COL22A1: variants seen among roughly 807,000 people sequenced by gnomAD.
The protein encoded by COL22A1 is collagen alpha-1(XXII) chain.
COL22A1 carries 221 observed loss-of-function variants against 248.9 expected under a neutral mutation model. The observed-to-expected ratio is 0.89, with a 90% CI of 0.80 to 0.99. The LOEUF is 0.99. COL22A1 is among the 50% of genes least tolerant of loss of function. The pLI is 0.00. For synonymous variants in COL22A1, 891 were observed against 793.4 expected (o/e 1.12, Z -2.07); for missense variants, 2,240 against 2,179.0 (o/e 1.03, Z -0.56).
In COL22A1 at chr8:138,833,098, C is replaced by A; in HGVS notation, c.786G>T (p.Glu262Asp). ...GTACATAGGAACTCTGAGCTCCATTCTCTCTCTTCCCCAAGATTTCCTTCA... is the reference window on the plus strand; with the variant it reads ...GTACATAGGAACTCTGAGCTCCATTATCTCTCTTCCCCAAGATTTCCTTCA... ...FSVKEILGKR[E>D]NGAQSSYVRM... Residue 262 changes from glutamate (E) to aspartate (D), a missense_variant, in exon 5 of 65, where the codon GAG becomes GAT. Glu to Asp is a conservative substitution (Grantham distance 45, BLOSUM62 2). Coordinates refer to ENST00000303045, the MANE Select transcript of COL22A1 (RefSeq NM_152888.3). The A allele has an allele frequency of 1.2e-6, 2 of 1,613,964 alleles. No individual in the cohort carries two copies. Among genetic ancestry groups the A allele is most frequent in the African/African-American group, 1.3e-5 (1 of 75,064 alleles).
At chr8:138,603,919 T>C (rs1025588241) in intron 59 of COL22A1, among the ~76,000 whole-genome samples, 3 of 152,168 alleles carry the variant, frequency 2.0e-5, no homozygotes, top group Non-Finnish European at 4.4e-5. Flanking sequence ...TTCTCTGCAT[T>C]CAGTCATTCT....
At position 138,883,077 on chromosome 8, in the gene COL22A1, C is replaced by T. The variant is rs1274353115; in HGVS notation, c.91+5G>A. On this transcript the variant is annotated splice_donor_5th_base_variant and intron_variant, in intron 2 of 64. Coordinates refer to ENST00000303045, the MANE Select transcript of COL22A1 (RefSeq NM_152888.3). Reference sequence around the variant, plus strand: ...ACAGCATGGCACAGCCCACGGTGGCCCCACCTGCCCGCTGAGCCTGGCAGC... The same window carrying T: ...ACAGCATGGCACAGCCCACGGTGGCTCCACCTGCCCGCTGAGCCTGGCAGC... 1 of 1,574,920 alleles carries T rather than the reference C, an allele frequency of 6.3e-7. No individual in the cohort carries two copies.
chr8:138,662,079 G>GA lies in COL22A1; in HGVS notation c.3190dup (p.Ser1064PhefsTer48). Reference sequence around the variant, plus strand: ...GCCAGGGAATCCAGGTAAGCCTCGTGATCCCTGAAGAAAAAGAAAAGAAGA... The same window carrying GA: ...GCCAGGGAATCCAGGTAAGCCTCGTGAATCCCTGAAGAAAAAGAAAAGAAGA... On this transcript the variant is annotated frameshift_variant, in exon 43 of 65. Coordinates refer to ENST00000303045, the MANE Select transcript of COL22A1 (RefSeq NM_152888.3). LOFTEE classifies it high-confidence loss of function. 6.2e-7 allele frequency: 1 copy of GA among 1,611,932 alleles called. No homozygotes were observed. Among genetic ancestry groups the GA allele is most frequent in the Non-Finnish European group, 8.5e-7 (1 of 1,178,954 alleles).
intron 23 of COL22A1, among the ~76,000 whole-genome samples, chr8:138,725,824 T>G (rs1414283791): frequency 2.0e-5 from 3 of 151,148 alleles, no homozygotes; most frequent in African/African-American, 4.9e-5. Flanking sequence ...CATAAAGGCC[T>G]TCCAGAAGAG....
rs568135413 is a variant in COL22A1, at chr8:138,708,580, C to T, written c.2518-5233G>A. The stretch of plus-strand genomic sequence containing the variant: ...AAATGGTGCTGGGAAAACTGGCTAG[C>T]CATATGTAGAAAGCTGAAACTGGAT... On this transcript the variant is annotated intron_variant, in intron 30 of 64. Coordinates refer to ENST00000303045, the MANE Select transcript of COL22A1 (RefSeq NM_152888.3). 9.7e-3 allele frequency among the ~76,000 whole-genome samples: 1,470 copies of T among 152,252 alleles called. 23 individuals carry two copies. Among genetic ancestry groups the T allele is most frequent in the African/African-American group, 0.031 (1,268 of 41,540 alleles).
At chr8:138,912,653 G>C (rs1438754436) in intron 1 of COL22A1, among the ~76,000 whole-genome samples, 1 of 152,140 alleles carries the variant, frequency 6.6e-6, no homozygotes, top group East Asian at 1.9e-4. Flanking sequence ...GTCAGGAGGA[G>C]AATCGCTTGA....
chr8:138,640,510 A>T lies in COL22A1; in HGVS notation c.3502-3715T>A, dbSNP rs73718737. ...CCAATAGCTGGTAAATTCCTAACTA[A>T]CCCTCCAATGCAATTAAAATCCTGC... On this transcript the variant is annotated intron_variant, in intron 47 of 64. Transcript: ENST00000303045. 5.3e-3 allele frequency among the ~76,000 whole-genome samples: 804 copies of T among 151,774 alleles called. 6 individuals carry two copies. The highest frequency in any genetic ancestry group is 0.019 in the African/African-American group (774 of 41,380).
chr8:138,612,016 C>G (rs1253767612), intron 56 of COL22A1, among the ~76,000 whole-genome samples: 2 of 152,174 alleles, frequency 1.3e-5, no homozygotes, highest in African/African-American at 4.8e-5. Flanking sequence ...ACACAACATA[C>G]AAGCTTTACA....
At chr8:138,638,553 C>T (rs1036726121) in intron 47 of COL22A1, among the ~76,000 whole-genome samples, 1 of 152,090 alleles carries the variant, frequency 6.6e-6, no homozygotes, top group Admixed American at 6.6e-5. Flanking sequence ...TCTAATAATC[C>T]CCCCTCTCTC....
rs1330408053 is a variant in COL22A1 at position 138,750,118 on chromosome 8, G to A, written c.2085+1340C>T. On this transcript the variant is annotated intron_variant, in intron 22 of 64. Transcript: ENST00000303045. ...TTGCCTGCTGCCACCCATGTAAGAC[G>A]TAACTTGCTCCTCCTTGCCTTCTGC... Among the ~76,000 whole-genome samples, 4 of 152,118 alleles carry A rather than the reference G, an allele frequency of 2.6e-5. No homozygotes were observed. In the East Asian group the frequency reaches 5.8e-4, roughly 22 times the overall value.
chr8:138,728,810 T>C (rs1458129731), intron 23 of COL22A1, among the ~76,000 whole-genome samples: 2 of 152,064 alleles, frequency 1.3e-5, no homozygotes, highest in East Asian at 3.9e-4. Flanking sequence ...CACAGAACCC[T>C]TGTTTAGATT....
At chr8:138,649,879 A>G in intron 45 of COL22A1, 101 bp from the exon 46 acceptor site, 2 of 684,572 alleles carry the variant, frequency 2.9e-6, no homozygotes, top group South Asian at 2.1e-5. Context: ...CCAGATGGAG[A>G]TTTGGTTTTT....
At chr8:138,703,508 A>G (rs1272599514) in intron 30 of COL22A1, among the ~76,000 whole-genome samples, 161 bp from the exon 31 acceptor site, 1 of 152,228 alleles carries the variant, frequency 6.6e-6, no homozygotes, top group Non-Finnish European at 1.5e-5. Flanking sequence ...AGATACATAC[A>G]TACATAATTA....
intron 3 of COL22A1, among the ~76,000 whole-genome samples, chr8:138,854,139 C>T (rs1418271875): frequency 6.6e-6 from 1 of 152,088 alleles, no homozygotes; most frequent in East Asian, 1.9e-4. Flanking sequence ...TGTGCCAGGA[C>T]AGAGGGAATA....
At chr8:138,598,666 TC>T in intron 61 of COL22A1, 52 bp downstream of exon 61, 1 of 1,534,024 alleles carries the variant, frequency 6.5e-7, no homozygotes, top group Admixed American at 2.1e-5. Flanking sequence ...CTTCCCTGGC[TC>T]CCCCTTAGGC....
At chr8:138,633,481 G>C (rs999927883) in intron 49 of COL22A1, among the ~76,000 whole-genome samples, 1 of 152,202 alleles carries the variant, frequency 6.6e-6, no homozygotes, top group Non-Finnish European at 1.5e-5. Flanking sequence ...ACATGTTATG[G>C]GGTTTGGAAC....
At chr8:138,796,957 T>G in intron 11 of COL22A1, 100 bp from the exon 12 acceptor site, 1 of 848,156 alleles carries the variant, frequency 1.2e-6, no homozygotes, top group Admixed American at 1.7e-5. Flanking sequence ...GATTAGATAT[T>G]TTCTCATCAG....
chr8:138,612,973 G>A (rs573039186), intron 56 of COL22A1, among the ~76,000 whole-genome samples: 4 of 147,880 alleles, frequency 2.7e-5, no homozygotes, highest in African/African-American at 9.8e-5. Flanking sequence ...CAGGGGCTGG[G>A]CACGGTGGCT....
intron 1 of COL22A1, among the ~76,000 whole-genome samples, chr8:138,907,306 G>A (rs996361581): frequency 1.3e-5 from 2 of 152,220 alleles, no homozygotes; most frequent in Non-Finnish European, 1.5e-5. Context: ...AGGGAGCTCT[G>A]CTCATTACCC....
Sources: allele counts gnomAD v4.1 joint callset (sites outside exome capture counted in the v4.1 genomes callset), GRCh38; gene constraint gnomAD v4.1.1; transcripts MANE v1.5; gene names NCBI Gene and HGNC (gene_info 2026-07-23, HGNC 2026-07-21).